The following PLD5 variants were observed in gnomAD, a reference collection of about 807,000 sequenced individuals.
PLD5 encodes phospholipase D family member 5.
PLD5 carries 36 observed loss-of-function variants against 61.1 expected under a neutral mutation model. The ratio of observed to expected loss-of-function variants is 0.59; its 90% CI spans 0.45 to 0.78. PLD5 has a LOEUF of 0.78. Ranked by LOEUF, PLD5 falls within the 30% of genes least tolerant of loss-of-function variation. PLD5 has a pLI of 0.00. For synonymous variants in PLD5, 243 were observed against 242.8 expected (o/e 1.00, Z -0.01); for missense variants, 515 against 644.4 (o/e 0.80, Z 2.17).
intron 4 of PLD5, among the ~76,000 whole-genome samples, chr1:242,264,447 G>C (rs1673542160): frequency 6.6e-6 from 1 of 152,168 alleles, no homozygotes; most frequent in Admixed American, 6.6e-5. Context: ...TTCTTCAGGA[G>C]GAAGGGCCGC....
At chr1:242,474,399 A>G (rs1558592174) in intron 1 of PLD5, among the ~76,000 whole-genome samples, 1 of 152,178 alleles carries the variant, frequency 6.6e-6, no homozygotes, top group Non-Finnish European at 1.5e-5. Context: ...TCACTATCCC[A>G]TATTCAATCA....
rs150463174 is a variant in PLD5 at position 242,130,872 on chromosome 1, G to A, written c.736-6207C>T. ...GATATTTATAGCTAATTATTCTTTG[G>A]AAGAGATCGATTTCTTTTTTTTTAC... On this transcript the variant is annotated intron_variant, in intron 5 of 9. Coordinates refer to ENST00000536534, the MANE Select transcript of PLD5 (RefSeq NM_001372062.1). 2.7e-5 allele frequency among the ~76,000 whole-genome samples: 4 copies of A among 150,314 alleles called. No individual in the cohort carries two copies. The East Asian group carries it at 7.7e-4, about 29-fold the overall frequency.
In PLD5 at chr1:242,303,871, T is replaced by A. The variant is rs116398992; in HGVS notation, c.327-15341A>T. Among the ~76,000 whole-genome samples, 192 of 152,344 alleles carry A rather than the reference T, an allele frequency of 1.3e-3. 4 individuals carry two copies. Among genetic ancestry groups the A allele is most frequent in the African/African-American group, 4.5e-3 (188 of 41,580 alleles). On this transcript the variant is annotated intron_variant, in intron 2 of 9. Transcript: ENST00000536534. ...CACGAGAGGGCGATTATATGTGATTTTTCCCTTTCCTCTAGTGTCTTGAAT... is the reference window on the plus strand; with the variant it reads ...CACGAGAGGGCGATTATATGTGATTATTCCCTTTCCTCTAGTGTCTTGAAT...
intron 4 of PLD5, among the ~76,000 whole-genome samples, chr1:242,243,511 G>C (rs1672183958): frequency 6.6e-6 from 1 of 152,204 alleles, no homozygotes; most frequent in Non-Finnish European, 1.5e-5. Flanking sequence ...GCTTAGGAGA[G>C]ATGGAATCCC....
rs75126467 is a variant in PLD5, at chr1:242,396,734, G to A, written c.190-48492C>T. On this transcript the variant is annotated intron_variant, in intron 1 of 9. Transcript: ENST00000536534. ...TGTCACCAGGCTGGAGTGCAGTGGCGTAATCTTGGCTCACTGCAACCTCCA... is the reference window on the plus strand; with the variant it reads ...TGTCACCAGGCTGGAGTGCAGTGGCATAATCTTGGCTCACTGCAACCTCCA... Among the ~76,000 whole-genome samples the A allele has an allele frequency of 2.0e-4, 30 of 146,544 alleles. No homozygotes were observed. In the East Asian group the frequency reaches 2.1e-3, roughly 10 times the overall value.
intron 1 of PLD5, among the ~76,000 whole-genome samples, chr1:242,414,026 G>A (rs1188711880): frequency 1.3e-5 from 2 of 152,132 alleles, no homozygotes; most frequent in Admixed American, 1.3e-4. Context: ...GCAAATCTGA[G>A]AGAGGCAAGG....
chr1:242,283,034 A>G (rs1482442683), intron 3 of PLD5, among the ~76,000 whole-genome samples: 5 of 152,238 alleles, frequency 3.3e-5, no homozygotes, highest in Non-Finnish European at 7.3e-5. Flanking sequence ...CAAGAAAAAC[A>G]AAGTGGGTTT....
intron 5 of PLD5, among the ~76,000 whole-genome samples, chr1:242,131,032 G>A (rs546387539): frequency 5.0e-4 from 76 of 152,198 alleles, no homozygotes; most frequent in Non-Finnish European, 6.9e-4. Flanking sequence ...ATGGCCGGGC[G>A]CGGTGACTCA....
intron 1 of PLD5, among the ~76,000 whole-genome samples, chr1:242,512,208 G>A (rs866948892): frequency 5.3e-5 from 8 of 151,052 alleles, no homozygotes; most frequent in Non-Finnish European, 7.4e-5. Flanking sequence ...TCAGGAGATC[G>A]AGACCATCCT....
chr1:242,368,337 C>CA (rs35720107), intron 1 of PLD5, among the ~76,000 whole-genome samples: 136,178 of 152,104 alleles, frequency 0.9, 62,101 homozygotes, highest in Non-Finnish European at 0.98. Flanking sequence ...AAAGCAGCCT[C>CA]ATTGTCTGGG....
chr1:242,497,171 A>G (rs890406266), intron 1 of PLD5, among the ~76,000 whole-genome samples: 4 of 152,208 alleles, frequency 2.6e-5, no homozygotes, highest in African/African-American at 7.2e-5. Flanking sequence ...AGCCAAAACT[A>G]CATCTACTGC....
intron 2 of PLD5, among the ~76,000 whole-genome samples, chr1:242,319,141 A>C (rs1658221095): frequency 6.6e-6 from 1 of 152,108 alleles, no homozygotes; most frequent in Admixed American, 6.5e-5. Flanking sequence ...TGGACCAGCA[A>C]AATTAAAGAA....
chr1:242,448,251 T>C (rs1470922432), intron 1 of PLD5, among the ~76,000 whole-genome samples: 1 of 152,176 alleles, frequency 6.6e-6, no homozygotes, highest in Non-Finnish European at 1.5e-5. Context: ...AGGCAGGGAA[T>C]GAGATGAATG....
intron 5 of PLD5, among the ~76,000 whole-genome samples, chr1:242,163,020 T>C (rs1169540869): frequency 6.6e-6 from 1 of 152,184 alleles, no homozygotes; most frequent in Admixed American, 6.5e-5. Context: ...TACAGGTGTT[T>C]ATTAGTTTGT....
intron 1 of PLD5, among the ~76,000 whole-genome samples, chr1:242,517,108 G>T (rs1669127841): frequency 6.6e-6 from 1 of 152,128 alleles, no homozygotes. Context: ...AGTTTATTTT[G>T]TATTTTCAAA....
intron 5 of PLD5, among the ~76,000 whole-genome samples, chr1:242,163,667 CTT>C (rs1359021794): frequency 6.6e-6 from 1 of 152,122 alleles, no homozygotes; most frequent in East Asian, 1.9e-4. Context: ...TTTTCCCTGT[CTT>C]TTTGTGTCTC....
intron 9 of PLD5, among the ~76,000 whole-genome samples, chr1:242,091,623 C>T (rs1260296264): frequency 6.6e-6 from 1 of 152,164 alleles, no homozygotes; most frequent in Non-Finnish European, 1.5e-5. Flanking sequence ...AATGTCATTA[C>T]ACCAAGAATG....
intron 1 of PLD5, among the ~76,000 whole-genome samples, chr1:242,461,599 A>G (rs1478777429): frequency 6.6e-6 from 1 of 152,224 alleles, no homozygotes; most frequent in Non-Finnish European, 1.5e-5. Context: ...TCCTTCGGGT[A>G]TATACCCACT....
At chr1:242,199,660 C>T (rs1668862249) in intron 5 of PLD5, among the ~76,000 whole-genome samples, 1 of 152,148 alleles carries the variant, frequency 6.6e-6, no homozygotes, top group South Asian at 2.1e-4. Context: ...AACAACTACC[C>T]ACTATCCACC....
Sources: allele counts gnomAD v4.1 joint callset (sites outside exome capture counted in the v4.1 genomes callset), GRCh38; gene constraint gnomAD v4.1.1; transcripts MANE v1.5; gene names NCBI Gene and HGNC (gene_info 2026-07-23, HGNC 2026-07-21).